Variants in ARHGAP28 observed in about 807,000 individuals in gnomAD.
The protein encoded by ARHGAP28 is Rho GTPase activating protein 28.
Under a neutral mutation model 90.7 loss-of-function variants are expected in ARHGAP28, and 56 were observed. That is an observed-to-expected ratio of 0.62 (90% CI 0.50 to 0.77). The LOEUF (loss-of-function observed/expected upper bound fraction) is 0.77. Ranked by LOEUF, ARHGAP28 falls within the 30% of genes least tolerant of loss-of-function variation. The pLI is 0.00. For missense variants in ARHGAP28, 869 were observed against 900.9 expected, an observed-to-expected ratio of 0.96 and a Z score of 0.45; for synonymous variants, 308 against 323.3, an observed-to-expected ratio of 0.95 and a Z score of 0.51.
At chr18:6,888,643 CA>C (rs140421985) in intron 12 of ARHGAP28, among the ~76,000 whole-genome samples, 8 of 151,288 alleles carry the variant, frequency 5.3e-5, no homozygotes, top group Admixed American at 2.0e-4. Context: ...GTTCTTTTAT[CA>C]AAAAAAAATT....
chr18:6,882,406 C>A, intron 11 of ARHGAP28, 107 bp downstream of exon 11: 1 of 1,076,696 alleles, frequency 9.3e-7, no homozygotes, highest in Non-Finnish European at 1.3e-6. Flanking sequence ...TTTGCTGTGT[C>A]CTGACAGTGC....
chr18:6,802,955 C>T (rs1417845533), intron 1 of ARHGAP28, among the ~76,000 whole-genome samples: 1 of 151,984 alleles, frequency 6.6e-6, no homozygotes, highest in Non-Finnish European at 1.5e-5. Flanking sequence ...CATAACTTTG[C>T]AAAATTCATG....
intron 1 of ARHGAP28, among the ~76,000 whole-genome samples, chr18:6,792,476 C>T (rs1392597169): frequency 6.6e-6 from 1 of 152,192 alleles, no homozygotes; most frequent in African/African-American, 2.4e-5. Context: ...TGACACAGGA[C>T]AGTTCTTTCT....
intron 16 of ARHGAP28, among the ~76,000 whole-genome samples, chr18:6,900,384 C>T (rs2057332125): frequency 6.6e-6 from 1 of 152,108 alleles, no homozygotes; most frequent in African/African-American, 2.4e-5. Flanking sequence ...GCAACTATCA[C>T]AAAAAGTACC....
chr18:6,735,416 G>T (rs2055916842), intron 1 of ARHGAP28, among the ~76,000 whole-genome samples: 1 of 152,162 alleles, frequency 6.6e-6, no homozygotes, highest in Non-Finnish European at 1.5e-5. Flanking sequence ...GAATTTTGTT[G>T]TATCTCCCGA....
At chr18:6,819,915 C>T (rs1350332409) in intron 1 of ARHGAP28, among the ~76,000 whole-genome samples, 1 of 152,186 alleles carries the variant, frequency 6.6e-6, no homozygotes, top group East Asian at 1.9e-4. Context: ...CTCACTCTAT[C>T]TACCAAATAG....
chr18:6,805,479 CT>C (rs756550297), intron 1 of ARHGAP28, among the ~76,000 whole-genome samples: 311 of 97,568 alleles, frequency 3.2e-3, no homozygotes, highest in African/African-American at 9.3e-3. Context: ...TAACCTTTGC[CT>C]TTTTTTTTTT....
intron 2 of ARHGAP28, among the ~76,000 whole-genome samples, chr18:6,827,916 G>A (rs61507407): frequency 0.011 from 1,736 of 151,760 alleles, 18 homozygotes; most frequent in African/African-American, 0.037. Flanking sequence ...GATGGCGGCC[G>A]GGCAGAGACG....
intron 1 of ARHGAP28, among the ~76,000 whole-genome samples, chr18:6,779,827 ATCTT>A (rs1567944749): frequency 6.6e-6 from 1 of 152,244 alleles, no homozygotes; most frequent in African/African-American, 2.4e-5. Context: ...ACCTACGTGC[ATCTT>A]TCTAACAGGC....
At chr18:6,769,396 A>C (rs2143394655) in intron 1 of ARHGAP28, among the ~76,000 whole-genome samples, 1 of 152,308 alleles carries the variant, frequency 6.6e-6, no homozygotes, top group Non-Finnish European at 1.5e-5. Flanking sequence ...TATGGATGTG[A>C]ATTTTCTTTC....
chr18:6,868,097 G>T, intron 5 of ARHGAP28, 53 bp from the exon 6 acceptor site: 1 of 1,424,120 alleles, frequency 7.0e-7, no homozygotes, highest in Non-Finnish European at 9.9e-7. Flanking sequence ...GAAATGTGAG[G>T]TGGACTGTAT....
chr18:6,883,754 A>G (rs1201610901), intron 11 of ARHGAP28, among the ~76,000 whole-genome samples: 2 of 152,182 alleles, frequency 1.3e-5, no homozygotes, highest in African/African-American at 4.8e-5. Flanking sequence ...TCATAAAATA[A>G]TCTTTTGTGT....
chr18:6,801,415 A>G (rs1163560552), intron 1 of ARHGAP28, among the ~76,000 whole-genome samples: 1 of 152,210 alleles, frequency 6.6e-6, no homozygotes, highest in African/African-American at 2.4e-5. Flanking sequence ...ATTTTATAAC[A>G]AGTCTTGAGA....
intron 3 of ARHGAP28, among the ~76,000 whole-genome samples, chr18:6,846,028 A>G (rs1017195143): frequency 6.6e-6 from 1 of 152,168 alleles, no homozygotes; most frequent in Non-Finnish European, 1.5e-5. Context: ...TGCATGATCT[A>G]TACCATGTGT....
At chr18:6,876,891 G>GA (rs1384935724) in intron 10 of ARHGAP28, among the ~76,000 whole-genome samples, 1 of 152,132 alleles carries the variant, frequency 6.6e-6, no homozygotes, top group East Asian at 1.9e-4. Flanking sequence ...TGTTAGAAAA[G>GA]AAAAGCTTTT....
intron 1 of ARHGAP28, among the ~76,000 whole-genome samples, chr18:6,791,844 T>G (rs551389770): frequency 5.2e-4 from 79 of 152,212 alleles, no homozygotes; most frequent in Middle Eastern, 6.8e-3. Context: ...TGTGGGTTTT[T>G]TTTGTTTGTT....
At chr18:6,876,270 A>T (rs2057130459) in intron 10 of ARHGAP28, 62 bp downstream of exon 10, 1 of 1,201,370 alleles carries the variant, frequency 8.3e-7, no homozygotes, top group Non-Finnish European at 1.2e-6. Context: ...AGTTCACACA[A>T]GCATCGGGGA....
intron 4 of ARHGAP28, among the ~76,000 whole-genome samples, chr18:6,854,706 A>T (rs111686214): frequency 5.0e-4 from 76 of 151,726 alleles, no homozygotes; most frequent in African/African-American, 1.8e-3. Flanking sequence ...CCCCCTGCTG[A>T]GTTGGCAGGG....
In ARHGAP28 at chr18:6,837,195, A is replaced by T. The variant is rs2056760337; in HGVS notation, c.326-2A>T. On this transcript the variant is annotated splice_acceptor_variant, in intron 2 of 17. Transcript: ENST00000383472. LOFTEE classifies it high-confidence loss of function. ...CCCTCTCTTGGTAATGTTCTTTCAC[A>T]GAAGGAGAACTTGAAGCAGAATGGC... The T allele has an allele frequency of 6.5e-7, 1 of 1,544,530 alleles. No individual in the cohort carries two copies. Among genetic ancestry groups the T allele is most frequent in the South Asian group, 1.2e-5 (1 of 84,256 alleles).
Sources: gnomAD v4.1 joint callset for allele counts (sites outside exome capture counted in the v4.1 genomes callset) on GRCh38, gnomAD v4.1.1 for gene constraint, MANE v1.5 for transcripts, NCBI Gene and HGNC (gene_info 2026-07-23, HGNC 2026-07-21) for gene names.